Variants in SPOCK3 observed in about 807,000 individuals in gnomAD.
SPOCK3 encodes the protein testican-3.
Under a neutral mutation model 56.6 loss-of-function variants are expected in SPOCK3, and 30 were observed. The ratio of observed to expected loss-of-function variants is 0.53; its 90% CI spans 0.40 to 0.72. SPOCK3 has a LOEUF of 0.72. Ranked by LOEUF, SPOCK3 falls within the 30% of genes least tolerant of loss-of-function variation. The pLI is 0.00. For synonymous variants in SPOCK3, 196 were observed against 183.3 expected (o/e 1.07, Z -0.56); for missense variants, 527 against 530.0 (o/e 0.99, Z 0.06).
At chr4:166,874,104 A>T (rs1308698789) in intron 6 of SPOCK3, among the ~76,000 whole-genome samples, 1 of 152,076 alleles carries the variant, frequency 6.6e-6, no homozygotes, top group Non-Finnish European at 1.5e-5. Flanking sequence ...GCTTTCCAGA[A>T]TGGTAAAGAT....
chr4:166,863,539 C>G (rs1284940943), intron 6 of SPOCK3, among the ~76,000 whole-genome samples: 1 of 151,558 alleles, frequency 6.6e-6, no homozygotes, highest in Non-Finnish European at 1.5e-5. Context: ...ATTCAGGAGA[C>G]TCATCTCACA....
At chr4:167,205,447 ATATT>A (rs1734122562) in intron 2 of SPOCK3, among the ~76,000 whole-genome samples, 2 of 50,196 alleles carry the variant, frequency 4.0e-5, no homozygotes, top group Admixed American at 4.0e-4. Flanking sequence ...AATATAATAT[ATATT>A]ATATAAATAT....
At chr4:166,869,459 C>A (rs1360865952) in intron 6 of SPOCK3, among the ~76,000 whole-genome samples, 1 of 152,010 alleles carries the variant, frequency 6.6e-6, no homozygotes, top group Non-Finnish European at 1.5e-5. Context: ...GATAACAATA[C>A]TATAACATCT....
In SPOCK3 at chr4:167,136,037, AT is replaced by A. The variant is rs147953123; in HGVS notation, c.190-73501del. On this transcript the variant is annotated intron_variant, in intron 2 of 10. Transcript: ENST00000357545. ...CTAATGTCCAAATATGCTTATTTTCATTTTTTTTTCCCTCTAAGGCAGTGGT... is the reference window on the plus strand; with the variant it reads ...CTAATGTCCAAATATGCTTATTTTCATTTTTTTTCCCTCTAAGGCAGTGGT... 8.8e-3 allele frequency among the ~76,000 whole-genome samples: 1,327 copies of A among 151,076 alleles called. 20 individuals are homozygous for A. The highest frequency in any genetic ancestry group is 0.03 in the African/African-American group (1,224 of 41,200).
chr4:167,152,056 C>A (rs558548487), intron 2 of SPOCK3, among the ~76,000 whole-genome samples: 5 of 152,088 alleles, frequency 3.3e-5, no homozygotes, highest in African/African-American at 1.2e-4. Flanking sequence ...TGTAATGAAG[C>A]CCCAAGGCAA....
At chr4:166,846,121 C>T (rs1390268446) in intron 6 of SPOCK3, among the ~76,000 whole-genome samples, 1 of 152,082 alleles carries the variant, frequency 6.6e-6, no homozygotes, top group African/African-American at 2.4e-5. Context: ...TATTTCAGCT[C>T]CATTATAATC....
intron 4 of SPOCK3, among the ~76,000 whole-genome samples, chr4:166,999,171 T>A (rs1446044821): frequency 6.6e-6 from 1 of 152,190 alleles, no homozygotes; most frequent in African/African-American, 2.4e-5. Context: ...ACTCCCTCTC[T>A]CTGTTCCACG....
intron 2 of SPOCK3, chr4:167,119,961 T>C (rs1761732136): frequency 5.0e-6 from 4 of 807,812 alleles, no homozygotes; most frequent in Non-Finnish European, 7.5e-6. Context: ...AATAGCTACA[T>C]TTAAAAATGG....
intron 2 of SPOCK3, among the ~76,000 whole-genome samples, chr4:167,160,490 C>T (rs1324068287): frequency 6.6e-6 from 1 of 152,016 alleles, no homozygotes; most frequent in African/African-American, 2.4e-5. Flanking sequence ...AGATTCAATG[C>T]CATCCCCATC....
chr4:166,872,310 T>C (rs992041105), intron 6 of SPOCK3, among the ~76,000 whole-genome samples: 5 of 152,096 alleles, frequency 3.3e-5, no homozygotes, highest in African/African-American at 7.2e-5. Flanking sequence ...ACTGGCTACA[T>C]AGAAAATGCT....
intron 5 of SPOCK3, among the ~76,000 whole-genome samples, chr4:166,899,293 T>TATCTAA (rs1735768048): frequency 7.2e-6 from 1 of 139,022 alleles, no homozygotes; most frequent in Non-Finnish European, 1.6e-5. Context: ...TATCTATCTA[T>TATCTAA]CTATCTATGT....
At chr4:167,005,435 G>A (rs377474659) in intron 3 of SPOCK3, among the ~76,000 whole-genome samples, 1 of 151,676 alleles carries the variant, frequency 6.6e-6, no homozygotes, top group Non-Finnish European at 1.5e-5. Context: ...GGATGGTCTC[G>A]ATCCCCTGAC....
chr4:167,103,583 C>T (rs1759841623), intron 2 of SPOCK3, among the ~76,000 whole-genome samples: 1 of 152,110 alleles, frequency 6.6e-6, no homozygotes, highest in East Asian at 1.9e-4. Flanking sequence ...AAATAGCACA[C>T]CAGGTAGATT....
chr4:167,051,374 T>C (rs1408880771), intron 3 of SPOCK3, among the ~76,000 whole-genome samples: 1 of 152,214 alleles, frequency 6.6e-6, no homozygotes, highest in Non-Finnish European at 1.5e-5. Context: ...TTAATAATTC[T>C]TCTTGTTGTG....
At chr4:166,776,759 T>A (rs1383027165) in intron 7 of SPOCK3, among the ~76,000 whole-genome samples, 1 of 152,148 alleles carries the variant, frequency 6.6e-6, no homozygotes, top group Non-Finnish European at 1.5e-5. Flanking sequence ...GAAGAGAGCA[T>A]TCTTTAATTG....
At chr4:167,155,691 TAGAA>T (rs529812289) in intron 2 of SPOCK3, among the ~76,000 whole-genome samples, 111 of 152,130 alleles carry the variant, frequency 7.3e-4, no homozygotes, top group African/African-American at 1.7e-3. Flanking sequence ...CAGGAAAACA[TAGAA>T]AGGCTTGAAA....
chr4:166,889,207 T>C lies in SPOCK3; in HGVS notation c.512A>G (p.Gln171Arg). The C allele has an allele frequency of 6.2e-7, 1 of 1,611,934 alleles. No individual in the cohort carries two copies. Among genetic ancestry groups the C allele is most frequent in the Non-Finnish European group, 8.5e-7 (1 of 1,178,496 alleles). Residue 171 changes from glutamine (Q) to arginine (R), a missense_variant, in exon 6 of 11, where the codon CAG (glutamine) becomes CGG (arginine). Physicochemically the swap from Gln to Arg is conservative, Grantham distance 43. Transcript: ENST00000357545. ...ATGTCCTTCACATTTGACTGAGATC[T>C]GTTTTCCTAAGACACATGCCTGATA... ...LEYQACVLGK[Q>R]ISVKCEGHCP...
At position 166,846,505 on chromosome 4, in the gene SPOCK3, C is replaced by T. The variant is rs546699701; in HGVS notation, c.589+42625G>A. Among the ~76,000 whole-genome samples, 17 of 152,076 alleles carry T rather than the reference C, an allele frequency of 1.1e-4. 1 individual carries two copies. The highest frequency in any genetic ancestry group is 3.9e-4 in the African/African-American group (16 of 41,514). On this transcript the variant is annotated intron_variant, in intron 6 of 10. Coordinates refer to ENST00000357545, the MANE Select transcript of SPOCK3 (RefSeq NM_001040159.2). ...GGTTGAAAAAATATTTGTGATTCATCCTAAGTGACAAAAAAGATGTCTAAT... is the reference window on the plus strand; with the variant it reads ...GGTTGAAAAAATATTTGTGATTCATTCTAAGTGACAAAAAAGATGTCTAAT...
chr4:166,845,669 C>G (rs1042211877), intron 6 of SPOCK3, among the ~76,000 whole-genome samples: 20 of 152,100 alleles, frequency 1.3e-4, no homozygotes, highest in African/African-American at 4.3e-4. Context: ...AATTACCAAG[C>G]AATAGTTCAA....
Sources: allele counts gnomAD v4.1 joint callset (sites outside exome capture counted in the v4.1 genomes callset), GRCh38; gene constraint gnomAD v4.1.1; transcripts MANE v1.5; gene names NCBI Gene and HGNC (gene_info 2026-07-23, HGNC 2026-07-21).